Variants in MADD observed in about 807,000 individuals in gnomAD.
The protein encoded by MADD is MAP kinase-activating death domain protein.
In MADD, 109 loss-of-function variants were observed where a neutral mutation model predicts 176.7. The ratio of observed to expected loss-of-function variants is 0.62; its 90% confidence interval spans 0.53 to 0.72. The LOEUF (loss-of-function observed/expected upper bound fraction) is 0.72. Ranked by LOEUF, MADD falls within the 30% of genes least tolerant of loss-of-function variation. The pLI, the probability that MADD is intolerant of heterozygous loss-of-function variation, is 0.00. For synonymous variants in MADD, 771 were observed against 771.3 expected (o/e 1.00, Z 0.01); for missense variants, 1,914 against 2,045.5 (o/e 0.94, Z 1.24).
chr11:47,290,259 T>G, exon 18 of MADD: 3 of 1,614,144 alleles, frequency 1.9e-6, no homozygotes, highest in Non-Finnish European at 2.5e-6. Flanking sequence ...CCAGCATCTT[T>G]GGGCTTTTGG....
At chr11:47,270,456 T>TG (rs2135898398) in intron 1 of MADD, among the ~76,000 whole-genome samples, 2 of 122,228 alleles carry the variant, frequency 1.6e-5, no homozygotes, top group African/African-American at 6.1e-5. Flanking sequence ...CTCAGGCTAC[T>TG]GGGCTTGGTT....
chr11:47,294,704 C>CAAAAAAAA (rs2069128870), intron 20 of MADD, among the ~76,000 whole-genome samples: 1 of 145,952 alleles, frequency 6.9e-6, no homozygotes, highest in African/African-American at 2.5e-5. Context: ...TGAACAACCT[C>CAAAAAAAA]AAAACAATAT....
chr11:47,273,074 T>G (rs1209667838), intron 1 of MADD, among the ~76,000 whole-genome samples: 1 of 152,200 alleles, frequency 6.6e-6, no homozygotes, highest in South Asian at 2.1e-4. Context: ...TGTGGTAGTT[T>G]TACATCAAGC....
intron 9 of MADD, 66 bp from the exon 10 acceptor site, chr11:47,282,747 C>T: frequency 1.9e-6 from 3 of 1,598,302 alleles, no homozygotes; most frequent in Middle Eastern, 1.7e-4. Flanking sequence ...TCCTGCCTTT[C>T]TTTCAGGCGT....
chr11:47,269,594 G>A (rs961887992), upstream of MADD: 1 of 152,090 alleles, frequency 6.6e-6, no homozygotes, highest in Non-Finnish European at 1.5e-5. Flanking sequence ...TCTCCCAGCG[G>A]GCGCCGCGGC....
chr11:47,279,006 C>T (rs1446905229), exon 7 of MADD: 2 of 1,613,714 alleles, frequency 1.2e-6, no homozygotes, highest in Admixed American at 3.3e-5. Context: ...CAGGTGATTG[C>T]CCCCACCAAT....
rs767668932 is a variant in MADD at position 47,323,840 on chromosome 11, G to A, written c.4362+5G>A. 35 of 1,613,554 alleles carry A rather than the reference G, an allele frequency of 2.2e-5. No individual in the cohort carries two copies. The highest frequency in any genetic ancestry group is 6.7e-5 in the East Asian group (3 of 44,884). On this transcript the variant is annotated splice_donor_5th_base_variant and intron_variant, in intron 28 of 32. Transcript: ENST00000402192. ...AACAAGTTCTATACTAAAAAGGTAC[G>A]CAGGATCTGTGTTTGGGTTGGGGCT... is the stretch of plus-strand genomic sequence containing the variant.
intron 13 of MADD, 64 bp from the exon 14 acceptor site, chr11:47,285,387 T>A (rs973603803): frequency 6.2e-7 from 1 of 1,605,412 alleles, no homozygotes. Context: ...AGCATAATTA[T>A]GGCCCATACT....
intron 22 of MADD, among the ~76,000 whole-genome samples, chr11:47,297,560 C>T (rs61896053): frequency 0.077 from 11,555 of 150,954 alleles, 514 homozygotes; most frequent in South Asian, 0.11. Flanking sequence ...TCTTCTCTTG[C>T]CTCAGCCTCC....
rs557822091 is a variant in MADD, at chr11:47,288,940, C to T, written c.2654-451C>T. On this transcript the variant is annotated intron_variant, in intron 15 of 32. Transcript: ENST00000402192. ...AGAGGGGTTGCGGTATTGTGGTACA[C>T]CTACTAATTGTGTATTTTGTGTCCC... The T allele has an allele frequency of 1.5e-5, 24 of 1,551,596 alleles. No homozygotes were observed. In the Middle Eastern group the frequency reaches 8.5e-4, roughly 55 times the overall value.
chr11:47,293,916 G>A, exon 20 of MADD: 2 of 1,614,064 alleles, frequency 1.2e-6, no homozygotes, highest in Non-Finnish European at 8.5e-7. Flanking sequence ...TTTGACCTTG[G>A]TGAGACAGAG....
chr11:47,278,215 C>G (rs1168628095), exon 6 of MADD: 2 of 1,614,126 alleles, frequency 1.2e-6, no homozygotes, highest in Non-Finnish European at 1.7e-6. Context: ...CCAGCTTCTT[C>G]CTCTACAAAC....
chr11:47,282,558 G>A, exon 9 of MADD: 1 of 1,614,208 alleles, frequency 6.2e-7, no homozygotes, highest in Non-Finnish European at 8.5e-7. Context: ...AGGCTGTGGA[G>A]TACTTTGGGG....
At chr11:47,323,535 A>C in intron 27 of MADD, 136 bp from the exon 31 acceptor site, 1 of 774,600 alleles carries the variant, frequency 1.3e-6, no homozygotes, top group Non-Finnish European at 2.1e-6. Context: ...TTGTGTCTTC[A>C]CCTAGGGAAA....
intron 27 of MADD, among the ~76,000 whole-genome samples, chr11:47,321,487 G>A (rs2094464525): frequency 6.6e-6 from 1 of 152,174 alleles, no homozygotes; most frequent in Non-Finnish European, 1.5e-5. Context: ...TTATAGCAGT[G>A]AATAAGACAG....
In MADD at chr11:47,327,320, C is replaced by T. The variant is rs934746354; in HGVS notation, c.4612+513C>T. ...CTAGCGGGACAGCTGTAGCCGGAAGCTGGGAGCCAGCGCTAGGGAGTGGTG... is the reference window on the plus strand; with the variant it reads ...CTAGCGGGACAGCTGTAGCCGGAAGTTGGGAGCCAGCGCTAGGGAGTGGTG... On this transcript the variant is annotated intron_variant, in intron 31 of 32. Transcript: ENST00000402192. 130 of 988,348 alleles carry T rather than the reference C, an allele frequency of 1.3e-4. No individual in the cohort carries two copies. The African/African-American group carries it at 2.0e-3, about 15-fold the overall frequency. The allele number at this position is 988,348 out of a possible 1,614,324, so 61.2% of individuals were successfully genotyped here. A position where few individuals can be genotyped will look rare whatever the true frequency, so the allele number is the denominator to read the frequency against.
chr11:47,324,673 G>T, intron 30 of MADD, 96 bp downstream of exon 33: 1 of 836,446 alleles, frequency 1.2e-6, no homozygotes, highest in Non-Finnish European at 2.0e-6. Context: ...GCATGAGAGA[G>T]GGCCCTCTGG....
intron 15 of MADD, 35 bp downstream of exon 16, chr11:47,289,062 T>G: frequency 6.4e-7 from 1 of 1,564,106 alleles, no homozygotes; most frequent in African/African-American, 1.4e-5. Context: ...ATGATCTTTT[T>G]TTTTTCTCTA....
At chr11:47,286,389 A>G in intron 14 of MADD, 44 bp from the exon 15 acceptor site, 1 of 1,285,538 alleles carries the variant, frequency 7.8e-7, no homozygotes, top group East Asian at 2.3e-5. Flanking sequence ...TGCTTTGATT[A>G]CTTACTCTGC....
Sources: allele counts gnomAD v4.1 joint callset (sites outside exome capture counted in the v4.1 genomes callset), GRCh38; gene constraint gnomAD v4.1.1; transcripts MANE v1.5; gene names NCBI Gene and HGNC (gene_info 2026-07-23, HGNC 2026-07-21).